Variants in MAST4 observed in about 807,000 individuals in gnomAD.
The protein encoded by MAST4 is microtubule-associated serine/threonine-protein kinase 4.
In MAST4, 89 loss-of-function variants were observed where a neutral mutation model predicts 162.7. The observed-to-expected ratio is 0.55, with a 90% CI of 0.46 to 0.65. The LOEUF is 0.65. MAST4 is among the 30% of genes least tolerant of loss of function. The pLI is 0.00. For synonymous variants in MAST4, 1,479 were observed against 1,361.1 expected (o/e 1.09, Z -1.91); for missense variants, 3,153 against 3,374.0 (o/e 0.93, Z 1.62).
intron 3 of MAST4, among the ~76,000 whole-genome samples, chr5:66,820,566 G>T (rs1398483156): frequency 6.6e-6 from 1 of 152,146 alleles, no homozygotes; most frequent in Non-Finnish European, 1.5e-5. Flanking sequence ...ATTTCCAATT[G>T]TCAGATCTTC....
intron 2 of MAST4, among the ~76,000 whole-genome samples, chr5:66,771,249 A>G (rs907890446): frequency 1.3e-5 from 2 of 151,544 alleles, no homozygotes; most frequent in African/African-American, 4.9e-5. Flanking sequence ...CAGTGGTGCA[A>G]TCTTGGCTCA....
At chr5:66,989,573 G>A (rs1445259410) in intron 4 of MAST4, among the ~76,000 whole-genome samples, 1 of 152,150 alleles carries the variant, frequency 6.6e-6, no homozygotes, top group Non-Finnish European at 1.5e-5. Context: ...GCAGAGCCCT[G>A]TGAATATGGT....
chr5:66,788,653 C>G lies in MAST4; in HGVS notation c.518-17C>G, dbSNP rs1290745077. The G allele has an allele frequency of 6.0e-6, 8 of 1,342,114 alleles. No individual in the cohort carries two copies. The highest frequency in any genetic ancestry group is 7.9e-6 in the Non-Finnish European group (8 of 1,012,172). 83.1% of individuals were successfully genotyped at this position (1,342,114 alleles called of 1,614,324 possible). On this transcript the variant is annotated splice_polypyrimidine_tract_variant and intron_variant, in intron 2 of 28. Coordinates refer to ENST00000403625, the MANE Select transcript of MAST4 (RefSeq NM_001164664.2). ...GGCTGCCTGTCACTTACATTTTCTT[C>G]TCTTTAACTCCAACAGGGAGGTACC...
intron 3 of MAST4, among the ~76,000 whole-genome samples, chr5:66,802,490 GT>G (rs1247242124): frequency 6.6e-6 from 1 of 152,018 alleles, no homozygotes; most frequent in Non-Finnish European, 1.5e-5. Context: ...CATTTCTATC[GT>G]TGACTTTAAA....
intron 1 of MAST4, among the ~76,000 whole-genome samples, chr5:66,706,732 A>G (rs902136383): frequency 1.3e-5 from 2 of 152,112 alleles, no homozygotes; most frequent in East Asian, 1.9e-4. Context: ...CTGCCATTAT[A>G]TGAAAAAGAG....
At chr5:66,954,173 A>T (rs183928871) in intron 4 of MAST4, among the ~76,000 whole-genome samples, 1 of 152,162 alleles carries the variant, frequency 6.6e-6, no homozygotes, top group South Asian at 2.1e-4. Flanking sequence ...ATAAAAATAT[A>T]TCACACTACT....
chr5:67,124,106 C>T (rs1767905732), intron 14 of MAST4, among the ~76,000 whole-genome samples: 1 of 152,194 alleles, frequency 6.6e-6, no homozygotes, highest in Non-Finnish European at 1.5e-5. Context: ...CACTTCTCCC[C>T]ACCCTCCCAC....
At chr5:66,714,400 C>T (rs148562047) in intron 1 of MAST4, among the ~76,000 whole-genome samples, 1 of 152,164 alleles carries the variant, frequency 6.6e-6, no homozygotes, top group Non-Finnish European at 1.5e-5. Context: ...GGCTCTCTGA[C>T]TTTAAAAATC....
intron 4 of MAST4, among the ~76,000 whole-genome samples, chr5:66,988,284 G>GA (rs1561507912): frequency 6.6e-6 from 1 of 152,138 alleles, no homozygotes; most frequent in Non-Finnish European, 1.5e-5. Context: ...CTCTTTTAGA[G>GA]AAAAAACTTT....
intron 2 of MAST4, 63 bp from the exon 3 acceptor site, chr5:66,788,607 C>CCCAACAAAAAAAAAAAAAA: frequency 6.6e-6 from 9 of 1,373,708 alleles, no homozygotes; most frequent in African/African-American, 1.5e-5. Flanking sequence ...CCCCCACCCC[C>CCCAACAAAAAAAAAAAAAA]ATTGCAATAA....
chr5:66,878,001 T>C (rs1212501425), intron 3 of MAST4, among the ~76,000 whole-genome samples: 1 of 152,246 alleles, frequency 6.6e-6, no homozygotes, highest in Non-Finnish European at 1.5e-5. Context: ...GCTTCTGTTA[T>C]GACTGGCCGG....
chr5:66,676,977 C>T (rs1289570935), intron 1 of MAST4, among the ~76,000 whole-genome samples: 1 of 152,100 alleles, frequency 6.6e-6, no homozygotes, highest in East Asian at 1.9e-4. Context: ...TAAAACATCT[C>T]CTTTTTGAAG....
At chr5:66,695,043 T>C (rs2149501371) in intron 1 of MAST4, among the ~76,000 whole-genome samples, 1 of 152,320 alleles carries the variant, frequency 6.6e-6, no homozygotes, top group Middle Eastern at 3.4e-3. Flanking sequence ...TTTTTCCATT[T>C]TTGCTTTTGT....
At chr5:67,078,459 A>C (rs1235377085) in intron 5 of MAST4, among the ~76,000 whole-genome samples, 2 of 151,268 alleles carry the variant, frequency 1.3e-5, no homozygotes, top group African/African-American at 4.8e-5. Context: ...GCTCAGCTTC[A>C]CTCATAATCA....
intron 1 of MAST4, among the ~76,000 whole-genome samples, chr5:66,746,088 T>C (rs1405026640): frequency 6.6e-6 from 1 of 152,208 alleles, no homozygotes; most frequent in Non-Finnish European, 1.5e-5. Context: ...CATCTTCCAG[T>C]AAAACCAGGA....
intron 3 of MAST4, among the ~76,000 whole-genome samples, chr5:66,882,356 C>A (rs1357208893): frequency 6.6e-6 from 1 of 152,112 alleles, no homozygotes; most frequent in Non-Finnish European, 1.5e-5. Context: ...CCTGGGACCC[C>A]ATTTATATCT....
At chr5:67,124,454 T>G (rs1400104440) in intron 14 of MAST4, among the ~76,000 whole-genome samples, 1 of 152,118 alleles carries the variant, frequency 6.6e-6, no homozygotes, top group Non-Finnish European at 1.5e-5. Flanking sequence ...TTTAAGCACA[T>G]TTGGAACATC....
At chr5:67,149,782 G>A (rs1771579240) in intron 24 of MAST4, among the ~76,000 whole-genome samples, 193 bp downstream of exon 24, 1 of 152,188 alleles carries the variant, frequency 6.6e-6, no homozygotes, top group Non-Finnish European at 1.5e-5. Context: ...CCGCCAAGGA[G>A]CATTTTGGCC....
intron 3 of MAST4, among the ~76,000 whole-genome samples, chr5:66,814,349 C>G (rs1384220511): frequency 1.3e-5 from 2 of 152,094 alleles, no homozygotes; most frequent in African/African-American, 4.8e-5. Flanking sequence ...TGGCCTCGGG[C>G]AAGCATTTTC....
Sources: gnomAD v4.1 joint callset for allele counts (sites outside exome capture counted in the v4.1 genomes callset) on GRCh38, gnomAD v4.1.1 for gene constraint, MANE v1.5 for transcripts, NCBI Gene and HGNC (gene_info 2026-07-23, HGNC 2026-07-21) for gene names.